The following KCNB2 variants were observed in gnomAD, a reference collection of about 807,000 sequenced individuals.
KCNB2 encodes delayed rectifier potassium channel protein.
KCNB2 carries 15 observed loss-of-function variants against 61.5 expected under a neutral mutation model. The observed-to-expected ratio is 0.24, with a 90% CI of 0.16 to 0.38. KCNB2 has a LOEUF of 0.38. Ranked by LOEUF, KCNB2 falls within the 10% of genes least tolerant of loss-of-function variation. The pLI, the probability that KCNB2 is intolerant of heterozygous loss-of-function variation, is 1.00. For synonymous variants in KCNB2, 457 were observed against 446.0 expected, an observed-to-expected ratio of 1.02 and a Z score of -0.31; for missense variants, 828 against 1,125.2, an observed-to-expected ratio of 0.74 and a Z score of 3.78.
chr8:72,802,763 C>A (rs1056998144), intron 2 of KCNB2, among the ~76,000 whole-genome samples: 2 of 152,144 alleles, frequency 1.3e-5, no homozygotes, highest in Non-Finnish European at 2.9e-5. Context: ...CTAATGGAGA[C>A]TAGCATTCTC....
chr8:72,585,140 C>A (rs758893586), intron 2 of KCNB2, among the ~76,000 whole-genome samples: 1 of 152,124 alleles, frequency 6.6e-6, no homozygotes, highest in African/African-American at 2.4e-5. Flanking sequence ...TAATACCTGG[C>A]AAATAGGGAG....
rs576564695 is a variant in KCNB2, at chr8:72,636,874, A to G, written c.579+68561A>G. ...AGCCATAAAAGTCCGATATTGGCCC[A>G]TTTCTGCCACCAACATGCCATAAGA... On this transcript the variant is annotated intron_variant, in intron 2 of 2. Transcript: ENST00000523207. 7.2e-5 allele frequency among the ~76,000 whole-genome samples: 11 copies of G among 152,264 alleles called. No individual in the cohort carries two copies. In the East Asian group the frequency reaches 2.1e-3, roughly 29 times the overall value.
chr8:72,672,562 T>A (rs900580406), intron 2 of KCNB2, among the ~76,000 whole-genome samples: 14 of 152,194 alleles, frequency 9.2e-5, no homozygotes, highest in Admixed American at 6.5e-5. Flanking sequence ...TTGGTCCTAT[T>A]ATCATTCACT....
intron 1 of KCNB2, among the ~76,000 whole-genome samples, chr8:72,561,382 C>T (rs1406634466): frequency 6.6e-6 from 1 of 151,684 alleles, no homozygotes; most frequent in Non-Finnish European, 1.5e-5. Context: ...GTCTCGATCT[C>T]TTGACCTCAT....
intron 2 of KCNB2, among the ~76,000 whole-genome samples, chr8:72,883,774 C>T (rs112987638): frequency 0.014 from 2,171 of 152,212 alleles, 46 homozygotes; most frequent in African/African-American, 0.044. Context: ...CATTTTGAAA[C>T]GTTACGTAGT....
intron 2 of KCNB2, among the ~76,000 whole-genome samples, chr8:72,907,747 T>C (rs866442362): frequency 2.0e-5 from 3 of 152,206 alleles, no homozygotes; most frequent in Non-Finnish European, 2.9e-5. Flanking sequence ...TGTCCCTATG[T>C]TTAGTCATTT....
At chr8:72,918,878 T>C (rs1462536044) in intron 2 of KCNB2, among the ~76,000 whole-genome samples, 1 of 152,120 alleles carries the variant, frequency 6.6e-6, no homozygotes, top group East Asian at 1.9e-4. Context: ...AATTTTAGAT[T>C]CCCGGCATAT....
At chr8:72,652,281 C>T (rs1390568227) in intron 2 of KCNB2, among the ~76,000 whole-genome samples, 1 of 152,128 alleles carries the variant, frequency 6.6e-6, no homozygotes, top group Non-Finnish European at 1.5e-5. Context: ...TGCTCATGCT[C>T]ATGCCGTAAA....
At chr8:72,919,506 C>G (rs1310487745) in intron 2 of KCNB2, among the ~76,000 whole-genome samples, 1 of 152,182 alleles carries the variant, frequency 6.6e-6, no homozygotes, top group African/African-American at 2.4e-5. Flanking sequence ...TTTCCATCAT[C>G]AGAAGAGAAG....
chr8:72,684,493 C>T (rs556227137), intron 2 of KCNB2, among the ~76,000 whole-genome samples: 5 of 152,134 alleles, frequency 3.3e-5, no homozygotes, highest in South Asian at 2.1e-4. Context: ...GTATTTAAGA[C>T]GCAGGAGCAA....
In KCNB2 at chr8:72,860,722, G is replaced by A. The variant is rs1009937867; in HGVS notation, c.580-75213G>A. Reference sequence around the variant, plus strand: ...TACCCCTAGCATAAGGAAATCAAGAGGCAAAATGCATTCCACTGTCCTTTT... The same window carrying A: ...TACCCCTAGCATAAGGAAATCAAGAAGCAAAATGCATTCCACTGTCCTTTT... On this transcript the variant is annotated intron_variant, in intron 2 of 2. Coordinates refer to ENST00000523207, the MANE Select transcript of KCNB2 (RefSeq NM_004770.3). Among the ~76,000 whole-genome samples, 10 of 152,254 alleles carry A rather than the reference G, an allele frequency of 6.6e-5. No homozygotes were observed. In the East Asian group the frequency reaches 1.9e-3, roughly 29 times the overall value.
intron 1 of KCNB2, among the ~76,000 whole-genome samples, chr8:72,556,994 C>G (rs533300016): frequency 5.9e-5 from 9 of 152,116 alleles, no homozygotes; most frequent in Non-Finnish European, 1.2e-4. Flanking sequence ...GTCAAGGACA[C>G]AGGCAGCTGT....
chr8:72,680,790 A>G (rs1299283570), intron 2 of KCNB2, among the ~76,000 whole-genome samples: 3 of 152,086 alleles, frequency 2.0e-5, no homozygotes, highest in African/African-American at 4.8e-5. Flanking sequence ...CTCTGAACCT[A>G]CTGCCTGGGT....
At chr8:72,860,930 C>T (rs909953449) in intron 2 of KCNB2, among the ~76,000 whole-genome samples, 2 of 152,156 alleles carry the variant, frequency 1.3e-5, no homozygotes, top group Admixed American at 6.5e-5. Context: ...TAAACCACTT[C>T]ATATCAAGAG....
intron 2 of KCNB2, among the ~76,000 whole-genome samples, chr8:72,584,751 A>G (rs865985541): frequency 6.6e-6 from 1 of 152,224 alleles, no homozygotes; most frequent in Non-Finnish European, 1.5e-5. Flanking sequence ...TTATACATTT[A>G]TAATGCTTAA....
At chr8:72,565,519 A>G (rs567312602) in intron 1 of KCNB2, among the ~76,000 whole-genome samples, 1 of 152,270 alleles carries the variant, frequency 6.6e-6, no homozygotes, top group East Asian at 1.9e-4. Flanking sequence ...CAAAAACATT[A>G]TAGGGGAAGA....
At chr8:72,561,721 A>ATATATGTG (rs1806522047) in intron 1 of KCNB2, among the ~76,000 whole-genome samples, 1 of 23,646 alleles carries the variant, frequency 4.2e-5, no homozygotes, top group Non-Finnish European at 6.5e-5. Context: ...ATATATATAT[A>ATATATGTG]TATATATCTA....
intron 2 of KCNB2, among the ~76,000 whole-genome samples, chr8:72,588,842 A>G (rs898428324): frequency 3.9e-5 from 6 of 152,128 alleles, no homozygotes; most frequent in African/African-American, 1.4e-4. Context: ...GCTGCTGTGA[A>G]CTATGATGGC....
intron 2 of KCNB2, among the ~76,000 whole-genome samples, chr8:72,869,573 A>T (rs1441244345): frequency 6.8e-6 from 1 of 146,470 alleles, no homozygotes; most frequent in East Asian, 1.9e-4. Flanking sequence ...AAGAAGACAC[A>T]CAAATGGCCA....
Sources: allele counts gnomAD v4.1 joint callset (sites outside exome capture counted in the v4.1 genomes callset), GRCh38; gene constraint gnomAD v4.1.1; transcripts MANE v1.5; gene names NCBI Gene and HGNC (gene_info 2026-07-23, HGNC 2026-07-21).